MAEA: variants seen among roughly 807,000 people sequenced by gnomAD.
MAEA encodes the protein E3 ubiquitin-protein transferase MAEA.
A neutral mutation model predicts 46.2 loss-of-function variants in MAEA; 22 were observed. The observed-to-expected ratio is 0.48, with a 90% confidence interval of 0.34 to 0.68. MAEA has a LOEUF of 0.68. Ranked by LOEUF, MAEA falls within the 30% of genes least tolerant of loss-of-function variation. The pLI is 0.01. For missense variants in MAEA, 393 were observed against 558.1 expected (o/e 0.70, Z 2.98); for synonymous variants, 246 against 222.6 (o/e 1.11, Z -0.94).
At chr4:1,303,910 G>A (rs1052263949) in intron 1 of MAEA, among the ~76,000 whole-genome samples, 1 of 143,050 alleles carries the variant, frequency 7.0e-6, no homozygotes, top group African/African-American at 2.8e-5. Flanking sequence ...GCAGGGTGGG[G>A]GTCGGGCAGG....
intron 4 of MAEA, among the ~76,000 whole-genome samples, chr4:1,325,644 G>A (rs1738715788): frequency 6.6e-6 from 1 of 152,188 alleles, no homozygotes; most frequent in Non-Finnish European, 1.5e-5. Context: ...TCTAGACACG[G>A]CAGCCATCAG....
At chr4:1,314,950 G>A (rs1736946434) in intron 2 of MAEA, among the ~76,000 whole-genome samples, 3 of 152,200 alleles carry the variant, frequency 2.0e-5, no homozygotes, top group South Asian at 4.1e-4. Flanking sequence ...CAGCCACGTG[G>A]GCTGGTGGCA....
intron 1 of MAEA, among the ~76,000 whole-genome samples, chr4:1,298,806 C>G (rs944179296): frequency 6.6e-6 from 1 of 152,158 alleles, no homozygotes. Flanking sequence ...CTTCCCAACC[C>G]CAGAGCCCTG....
At chr4:1,305,782 GC>G (rs1735773170) in intron 1 of MAEA, among the ~76,000 whole-genome samples, 2 of 151,820 alleles carry the variant, frequency 1.3e-5, no homozygotes, top group Middle Eastern at 3.4e-3. Context: ...CGTGTAAGGA[GC>G]TGTGTCACAA....
intron 2 of MAEA, among the ~76,000 whole-genome samples, chr4:1,313,747 C>T (rs1736797854): frequency 6.6e-6 from 1 of 151,632 alleles, no homozygotes; most frequent in South Asian, 2.1e-4. Context: ...AAAGTCTCTG[C>T]AGGGAACAGA....
chr4:1,322,262 A>C, intron 3 of MAEA, 119 bp from the exon 4 acceptor site: 14 of 1,333,544 alleles, frequency 1.0e-5, no homozygotes, highest in South Asian at 2.6e-5. Context: ...TGTGGACTGG[A>C]GATGCATCTC....
chr4:1,334,172 C>A (rs935132271), intron 6 of MAEA, among the ~76,000 whole-genome samples: 1 of 115,714 alleles, frequency 8.6e-6, no homozygotes, highest in Admixed American at 9.4e-5. Context: ...CCATGCCCAC[C>A]CCTGTGCTCA....
chr4:1,315,033 A>T lies in MAEA; in HGVS notation c.253-364A>T, dbSNP rs976122357. 2.0e-5 allele frequency among the ~76,000 whole-genome samples: 3 copies of T among 152,368 alleles called. No individual in the cohort carries two copies. The East Asian group carries it at 5.8e-4, about 29-fold the overall frequency. On this transcript the variant is annotated intron_variant, in intron 2 of 8. Transcript: ENST00000303400. ...CATTTTTAACAAAATTGACTTTAAG[A>T]AAAAAAGTATTGCAAAAGATTTTTT...
intron 1 of MAEA, chr4:1,309,409 T>TC (rs1307931866): frequency 4.7e-6 from 6 of 1,267,424 alleles, no homozygotes; most frequent in Non-Finnish European, 6.0e-6. Flanking sequence ...ACGTGCTGAG[T>TC]CCCCCGGAAG....
chr4:1,323,881 C>G (rs967319930), intron 4 of MAEA, among the ~76,000 whole-genome samples: 1 of 152,220 alleles, frequency 6.6e-6, no homozygotes, highest in Non-Finnish European at 1.5e-5. Context: ...TGAATGCATG[C>G]CTGGGGGACG....
chr4:1,329,628 G>C, intron 5 of MAEA: 1 of 985,536 alleles, frequency 1.0e-6, no homozygotes, highest in Non-Finnish European at 1.2e-6. Context: ...AGGTGCCAGG[G>C]CCTGGTCAGG....
At chr4:1,305,139 G>C (rs543927650) in intron 1 of MAEA, among the ~76,000 whole-genome samples, 2 of 150,942 alleles carry the variant, frequency 1.3e-5, no homozygotes, top group Non-Finnish European at 3.0e-5. Context: ...TTTTTTTTTG[G>C]TGGATCGTTA....
In MAEA at chr4:1,315,564, C is replaced by G; in HGVS notation, c.420C>G (p.Asn140Lys). ...VEHLLRCGYY[N>K]TAVKLARQSG... ...ACCTGCTGCGTTGCGGCTACTACAA[C>G]ACGGCTGTCAAGCTGGCGCGCCAGA... Residue 140 changes from asparagine (N) to lysine (K), a missense_variant, in exon 3 of 9, where the codon AAC becomes AAG. Physicochemically the swap from Asn to Lys is moderately conservative, Grantham distance 94. This residue lies in a region of MAEA where 358 missense variants were observed against 537.9 expected (regional missense o/e 0.67). Transcript: ENST00000303400. 1 of 1,613,496 alleles carries G rather than the reference C, an allele frequency of 6.2e-7. No individual in the cohort carries two copies. The highest frequency in any genetic ancestry group is 2.2e-5 in the East Asian group (1 of 44,882).
chr4:1,307,242 C>T (rs975314955), intron 1 of MAEA, among the ~76,000 whole-genome samples: 1 of 152,202 alleles, frequency 6.6e-6, no homozygotes, highest in African/African-American at 2.4e-5. Context: ...GCACACAGTA[C>T]AGTCATACCA....
intron 1 of MAEA, among the ~76,000 whole-genome samples, chr4:1,307,214 G>A (rs186602610): frequency 7.0e-4 from 106 of 152,214 alleles, no homozygotes; most frequent in African/African-American, 1.7e-3. Context: ...CATTTATAGC[G>A]TAGACACCGT....
rs934744830 is a variant in MAEA at position 1,328,809 on chromosome 4, C to T, written c.656+1106C>T. ...CCGGCTCCTGATGCTGACCTGGGCG[C>T]ATGGTGGCAGGTCAGGCCTCGTCTT... On this transcript the variant is annotated intron_variant, in intron 5 of 8. Coordinates refer to ENST00000303400, the MANE Select transcript of MAEA (RefSeq NM_001017405.3). The T allele has an allele frequency of 3.7e-6, 4 of 1,073,004 alleles. No individual in the cohort carries two copies. The Admixed American group carries it at 1.4e-4, about 36-fold the overall frequency. The allele number at this position is 1,073,004 out of a possible 1,614,324, so 66.5% of individuals were successfully genotyped here.
intron 1 of MAEA, among the ~76,000 whole-genome samples, chr4:1,308,434 C>G (rs1009731165): frequency 6.6e-6 from 1 of 152,218 alleles, no homozygotes; most frequent in Non-Finnish European, 1.5e-5. Flanking sequence ...CCTCCTGGGA[C>G]CCTGCCTTCA....
chr4:1,304,529 C>G (rs959448983), intron 1 of MAEA, among the ~76,000 whole-genome samples: 2 of 152,184 alleles, frequency 1.3e-5, no homozygotes, highest in African/African-American at 4.8e-5. Flanking sequence ...CAAGCTCCGC[C>G]TCTTGGGTTT....
At chr4:1,317,565 C>T (rs1031407810) in intron 3 of MAEA, among the ~76,000 whole-genome samples, 3 of 151,988 alleles carry the variant, frequency 2.0e-5, no homozygotes, top group African/African-American at 4.8e-5. Flanking sequence ...GTGTGGTGTC[C>T]GTCCTGCCCT....
Sources: allele counts gnomAD v4.1 joint callset (sites outside exome capture counted in the v4.1 genomes callset), GRCh38; gene constraint gnomAD v4.1.1; regional missense constraint gnomAD v4.1.1; transcripts MANE v1.5; gene names NCBI Gene and HGNC (gene_info 2026-07-23, HGNC 2026-07-21).